The following SGCD variants were observed in gnomAD, a reference collection of about 807,000 sequenced individuals.
The protein encoded by SGCD is sarcoglycan delta.
A neutral mutation model predicts 36.6 loss-of-function variants in SGCD; 18 were observed. The ratio of observed to expected loss-of-function variants is 0.49; its 90% CI spans 0.34 to 0.73. The LOEUF (loss-of-function observed/expected upper bound fraction) is 0.73, where lower values mean the gene tolerates loss of function less well. SGCD is among the 30% of genes least tolerant of loss of function. The probability of loss-of-function intolerance (pLI) is 0.01; values close to 1 mark genes in which losing one functional copy is unlikely to be tolerated. For synonymous variants in SGCD, 133 were observed against 130.6 expected, an observed-to-expected ratio of 1.02 and a Z score of -0.12; for missense variants, 387 against 346.7, an observed-to-expected ratio of 1.12 and a Z score of -0.92.
chr5:156,403,917 C>G (rs182069312), intron 3 of SGCD, among the ~76,000 whole-genome samples: 28 of 151,776 alleles, frequency 1.8e-4, no homozygotes, highest in South Asian at 1.2e-3. Flanking sequence ...CACTGCAACT[C>G]CCACCTCCCA....
rs58659145 is a variant in SGCD, at chr5:156,518,245, C to T, written c.294+9543C>T. Among the ~76,000 whole-genome samples the T allele has an allele frequency of 2.6e-3, 390 of 152,212 alleles. 1 individual carries two copies. Among genetic ancestry groups the T allele is most frequent in the African/African-American group, 8.9e-3 (371 of 41,552 alleles). On this transcript the variant is annotated intron_variant, in intron 4 of 8. Coordinates refer to ENST00000337851, the MANE Select transcript of SGCD (RefSeq NM_000337.6). ...AACAAAAATTTAAAAAGATGAAGGG[C>T]ATTACATAATGGTAAATGGTTCAAT...
intron 1 of SGCD, among the ~76,000 whole-genome samples, chr5:155,872,843 C>T (rs1374519590): frequency 1.3e-5 from 2 of 152,140 alleles, no homozygotes; most frequent in Non-Finnish European, 2.9e-5. Context: ...GGGAAAATGT[C>T]GGGATCCAGC....
intron 3 of SGCD, among the ~76,000 whole-genome samples, chr5:156,371,305 T>C (rs1770374748): frequency 6.6e-6 from 1 of 152,234 alleles, no homozygotes; most frequent in Non-Finnish European, 1.5e-5. Flanking sequence ...GAGTAATTTT[T>C]TGTATTACAA....
At chr5:156,451,922 T>A (rs1431860832) in intron 3 of SGCD, among the ~76,000 whole-genome samples, 1 of 152,192 alleles carries the variant, frequency 6.6e-6, no homozygotes. Flanking sequence ...AGACTCTATA[T>A]AACTTAGCTC....
chr5:156,392,830 G>A (rs1046772233), intron 3 of SGCD, among the ~76,000 whole-genome samples: 25 of 152,224 alleles, frequency 1.6e-4, no homozygotes, highest in Middle Eastern at 3.4e-3. Context: ...CTGGTCGGTG[G>A]CCTGCCAGCA....
At chr5:156,227,325 C>T (rs925438492) in intron 3 of SGCD, among the ~76,000 whole-genome samples, 3 of 152,186 alleles carry the variant, frequency 2.0e-5, no homozygotes, top group Admixed American at 1.3e-4. Context: ...CTGTGGCTAG[C>T]CAATTATCTC....
chr5:155,743,250 G>A, the SGCD span, among the ~76,000 whole-genome samples: 2 of 152,142 alleles, frequency 1.3e-5, no homozygotes, highest in Non-Finnish European at 2.9e-5. Context: ...CCATGCTGAG[G>A]CTATCCAGGA....
At chr5:156,731,294 C>G (rs1043542031) in intron 7 of SGCD, among the ~76,000 whole-genome samples, 1 of 151,742 alleles carries the variant, frequency 6.6e-6, no homozygotes, top group Non-Finnish European at 1.5e-5. Context: ...TTTGGTGTTT[C>G]ATCATTAAAT....
intron 3 of SGCD, among the ~76,000 whole-genome samples, chr5:156,440,795 T>C (rs1460501593): frequency 6.6e-6 from 1 of 152,176 alleles, no homozygotes; most frequent in Non-Finnish European, 1.5e-5. Context: ...TTTTCTCCTT[T>C]TTTAAAATCA....
At chr5:156,622,832 G>A (rs1762307676) in intron 6 of SGCD, among the ~76,000 whole-genome samples, 1 of 152,092 alleles carries the variant, frequency 6.6e-6, no homozygotes, top group Admixed American at 6.5e-5. Context: ...TATTACGTGA[G>A]TGTCTCTGAG....
chr5:156,585,206 C>G (rs1474892645), intron 4 of SGCD, among the ~76,000 whole-genome samples: 1 of 151,976 alleles, frequency 6.6e-6, no homozygotes, highest in Non-Finnish European at 1.5e-5. Context: ...TTATTCATGA[C>G]TGGAAAAAAA....
chr5:156,022,606 G>T (rs931610390), intron 1 of SGCD, among the ~76,000 whole-genome samples: 7 of 152,132 alleles, frequency 4.6e-5, no homozygotes, highest in African/African-American at 1.7e-4. Flanking sequence ...CCCAATAATG[G>T]ATATAAATTG....
At chr5:156,262,660 A>G (rs1457915562) in intron 3 of SGCD, among the ~76,000 whole-genome samples, 3 of 151,932 alleles carry the variant, frequency 2.0e-5, no homozygotes, top group Non-Finnish European at 4.4e-5. Flanking sequence ...ACTGTACCCA[A>G]TTTGTAGTCT....
chr5:156,537,459 C>CACACACACA (rs1758163233), intron 4 of SGCD, among the ~76,000 whole-genome samples: 3 of 125,808 alleles, frequency 2.4e-5, no homozygotes, highest in South Asian at 2.9e-4. Flanking sequence ...AAGGTAGCAG[C>CACACACACA]CACACACACA....
the SGCD span, among the ~76,000 whole-genome samples, chr5:155,758,924 G>C: frequency 6.6e-6 from 1 of 152,032 alleles, no homozygotes; most frequent in Non-Finnish European, 1.5e-5. Context: ...GGAAGTTGGT[G>C]GTCAGTTTAC....
intron 3 of SGCD, among the ~76,000 whole-genome samples, chr5:156,146,222 A>G (rs2127612934): frequency 6.6e-6 from 1 of 152,320 alleles, no homozygotes; most frequent in Admixed American, 6.5e-5. Flanking sequence ...CTAAAAAACA[A>G]AACAAAAAAG....
intron 3 of SGCD, among the ~76,000 whole-genome samples, chr5:156,250,789 G>C (rs576454139): frequency 6.6e-6 from 1 of 152,206 alleles, no homozygotes; most frequent in East Asian, 1.9e-4. Context: ...TCCTTCGTTT[G>C]GAGTCAATGC....
intron 3 of SGCD, among the ~76,000 whole-genome samples, chr5:156,166,826 TC>T (rs1190621751): frequency 1.3e-5 from 2 of 152,200 alleles, no homozygotes; most frequent in African/African-American, 4.8e-5. Flanking sequence ...CTCAGTCACA[TC>T]TAGAAATAGC....
At chr5:156,080,476 A>G (rs567542510) in intron 1 of SGCD, among the ~76,000 whole-genome samples, 2 of 152,350 alleles carry the variant, frequency 1.3e-5, no homozygotes, top group East Asian at 3.9e-4. Context: ...AGATTTTCCA[A>G]ACATTTTTTG....
Sources: gnomAD v4.1 joint callset for allele counts (sites outside exome capture counted in the v4.1 genomes callset) on GRCh38, gnomAD v4.1.1 for gene constraint, MANE v1.5 for transcripts, NCBI Gene and HGNC (gene_info 2026-07-23, HGNC 2026-07-21) for gene names.